Variants in DENND1A observed in about 807,000 individuals in gnomAD.
The protein encoded by DENND1A is DENN domain-containing protein 1A.
DENND1A carries 51 observed loss-of-function variants against 113.7 expected under a neutral mutation model. The observed-to-expected ratio is 0.45, with a 90% CI of 0.36 to 0.57. DENND1A has a LOEUF of 0.57. Among genes scored for constraint, DENND1A ranks in the 20% least tolerant of loss-of-function variants. DENND1A has a pLI of 0.00. For synonymous variants in DENND1A, 565 were observed against 570.8 expected (o/e 0.99, Z 0.14); for missense variants, 1,258 against 1,395.9 (o/e 0.90, Z 1.57).
rs573573362 is a variant in DENND1A, at chr9:123,821,745, G to A, written c.89-29115C>T. ...AATTCATTGTTGTCTCCAGCTTTGCGGAGGACAGGATCTAGTTCCTCAGTC... is the reference window on the plus strand; with the variant it reads ...AATTCATTGTTGTCTCCAGCTTTGCAGAGGACAGGATCTAGTTCCTCAGTC... On this transcript the variant is annotated intron_variant, in intron 2 of 23. Transcript: ENST00000394215. 4.6e-5 allele frequency among the ~76,000 whole-genome samples: 7 copies of A among 152,296 alleles called. No individual in the cohort carries two copies. The East Asian group carries it at 1.2e-3, about 25-fold the overall frequency.
intron 8 of DENND1A, 108 bp downstream of exon 8, chr9:123,666,918 T>C (rs1177656037): frequency 4.4e-5 from 49 of 1,121,318 alleles, no homozygotes; most frequent in Non-Finnish European, 5.7e-5. Context: ...TTAAAAACCA[T>C]AATTTTTATA....
intron 2 of DENND1A, among the ~76,000 whole-genome samples, chr9:123,794,553 G>A (rs1383319924): frequency 1.3e-5 from 2 of 152,134 alleles, no homozygotes; most frequent in Non-Finnish European, 1.5e-5. Flanking sequence ...CTTTCTTGCA[G>A]TAATTTGTGC....
chr9:123,616,394 G>A (rs1210651988), intron 10 of DENND1A, among the ~76,000 whole-genome samples: 21 of 152,172 alleles, frequency 1.4e-4, no homozygotes, highest in Admixed American at 1.4e-3. Context: ...ATGGTTACTG[G>A]ATAATTATAG....
At chr9:123,794,866 T>A (rs1261083657) in intron 2 of DENND1A, among the ~76,000 whole-genome samples, 3 of 152,266 alleles carry the variant, frequency 2.0e-5, no homozygotes, top group South Asian at 2.1e-4. Flanking sequence ...ACATTGAAGA[T>A]AAAGATGACC....
At chr9:123,549,877 G>A (rs189778977) in intron 13 of DENND1A, among the ~76,000 whole-genome samples, 6 of 152,256 alleles carry the variant, frequency 3.9e-5, no homozygotes, top group Admixed American at 3.9e-4. Flanking sequence ...CTATGGTGCT[G>A]TTTTGATTTT....
At chr9:123,459,012 A>C (rs2048345499) in intron 13 of DENND1A, among the ~76,000 whole-genome samples, 3 of 152,134 alleles carry the variant, frequency 2.0e-5, no homozygotes, top group Non-Finnish European at 4.4e-5. Context: ...ACAAAAACCC[A>C]AAAATGAGCT....
intron 13 of DENND1A, among the ~76,000 whole-genome samples, chr9:123,486,107 G>A (rs2050840127): frequency 6.6e-6 from 1 of 152,182 alleles, no homozygotes; most frequent in South Asian, 2.1e-4. Context: ...ACTTTTCTCA[G>A]TTCTGTGGCT....
chr9:123,657,474 C>G (rs981453176), intron 8 of DENND1A, among the ~76,000 whole-genome samples: 1 of 152,096 alleles, frequency 6.6e-6, no homozygotes, highest in African/African-American at 2.4e-5. Flanking sequence ...GTCTTAGGTT[C>G]AATACCTTAG....
chr9:123,431,344 C>A (rs1461477067), intron 19 of DENND1A, among the ~76,000 whole-genome samples: 1 of 152,142 alleles, frequency 6.6e-6, no homozygotes, highest in Non-Finnish European at 1.5e-5. Flanking sequence ...AGGATACCAG[C>A]TTACTTGTCT....
At chr9:123,504,247 C>T (rs142429098) in intron 13 of DENND1A, among the ~76,000 whole-genome samples, 50 of 152,278 alleles carry the variant, frequency 3.3e-4, no homozygotes, top group African/African-American at 9.6e-4. Flanking sequence ...CAAAATATCC[C>T]CTCCTCTGGG....
intron 5 of DENND1A, among the ~76,000 whole-genome samples, chr9:123,747,700 C>G (rs1262367042): frequency 1.3e-5 from 2 of 152,148 alleles, no homozygotes; most frequent in Non-Finnish European, 1.5e-5. Flanking sequence ...GCAATATATT[C>G]TAATTTCAAA....
chr9:123,767,992 G>T (rs1201634038), intron 4 of DENND1A, among the ~76,000 whole-genome samples: 1 of 152,106 alleles, frequency 6.6e-6, no homozygotes, highest in African/African-American at 2.4e-5. Flanking sequence ...GAGATTTCAT[G>T]CATAGCTAAT....
chr9:123,697,781 CA>C (rs1332002696), intron 5 of DENND1A, among the ~76,000 whole-genome samples: 6 of 152,162 alleles, frequency 3.9e-5, no homozygotes, highest in Non-Finnish European at 7.3e-5. Context: ...TGGAGTGACA[CA>C]AGGTGTACTG....
intron 1 of DENND1A, among the ~76,000 whole-genome samples, chr9:123,895,990 C>T (rs1211574740): frequency 6.6e-6 from 1 of 152,108 alleles, no homozygotes; most frequent in East Asian, 1.9e-4. Flanking sequence ...CACAAGCAGG[C>T]CCTCACAAGG....
At chr9:123,497,224 A>G (rs2052006646) in intron 13 of DENND1A, among the ~76,000 whole-genome samples, 1 of 152,210 alleles carries the variant, frequency 6.6e-6, no homozygotes, top group South Asian at 2.1e-4. Context: ...GAACTTAGGG[A>G]TGACTGCCCA....
rs149746391 is a variant in DENND1A at position 123,900,023 on chromosome 9, G to A, written c.18-21002C>T. On this transcript the variant is annotated intron_variant, in intron 1 of 23. Coordinates refer to ENST00000394215, the MANE Select transcript of DENND1A (RefSeq NM_001352964.2). ...CTACATTCACCAGTTAAACCAGCAC[G>A]TTCTGGATTGCCATTCTCTTCTGAT... 4.3e-3 allele frequency among the ~76,000 whole-genome samples: 653 copies of A among 152,302 alleles called. 5 individuals are homozygous for A. Among genetic ancestry groups the A allele is most frequent in the African/African-American group, 0.014 (584 of 41,558 alleles).
At chr9:123,780,438 G>C (rs1282759161) in intron 3 of DENND1A, among the ~76,000 whole-genome samples, 1 of 152,194 alleles carries the variant, frequency 6.6e-6, no homozygotes, top group Non-Finnish European at 1.5e-5. Flanking sequence ...GGATTAAGAA[G>C]GGAAGAAATA....
At chr9:123,386,064 A>G (rs191314283) in intron 22 of DENND1A, among the ~76,000 whole-genome samples, 2 of 152,330 alleles carry the variant, frequency 1.3e-5, no homozygotes, top group East Asian at 1.9e-4. Context: ...CAGTTAGTTC[A>G]GAGACGATAT....
At chr9:123,591,820 C>T (rs1226113916) in intron 11 of DENND1A, among the ~76,000 whole-genome samples, 1 of 152,134 alleles carries the variant, frequency 6.6e-6, no homozygotes. Context: ...CAAGGAAGTG[C>T]AATGGGAATA....
Sources: allele counts gnomAD v4.1 joint callset (sites outside exome capture counted in the v4.1 genomes callset), GRCh38; gene constraint gnomAD v4.1.1; transcripts MANE v1.5; gene names NCBI Gene and HGNC (gene_info 2026-07-23, HGNC 2026-07-21).